The following TOP6BL variants were observed in gnomAD, a reference collection of about 807,000 sequenced individuals.
The protein encoded by TOP6BL is TOP6B like initiator of meiotic double strand breaks, also known as type 2 DNA topoisomerase 6 subunit B-like.
chr11:66,822,771 A>G, the TOP6BL span: 5 of 786,920 alleles, frequency 6.4e-6, no homozygotes, highest in Admixed American at 9.2e-5. Context: ...TGGGAGGCCA[A>G]GGTAGGAGGA....
the TOP6BL span, among the ~76,000 whole-genome samples, chr11:66,830,637 C>T: frequency 1.3e-4 from 20 of 152,202 alleles, no homozygotes; most frequent in African/African-American, 4.1e-4. Flanking sequence ...AATTGATAAA[C>T]ATTTAGCCAG....
chr11:66,772,439 C>T, the TOP6BL span, among the ~76,000 whole-genome samples: 1 of 152,158 alleles, frequency 6.6e-6, no homozygotes, highest in Non-Finnish European at 1.5e-5. Context: ...CCACTGCACT[C>T]CAGCCTCGGA....
At chr11:66,771,008 A>C in the TOP6BL span, among the ~76,000 whole-genome samples, 1 of 151,878 alleles carries the variant, frequency 6.6e-6, no homozygotes, top group Non-Finnish European at 1.5e-5. Context: ...AGAATTTCTA[A>C]CTTCTTGGGG....
At chr11:66,792,127 CTA>C in the TOP6BL span, among the ~76,000 whole-genome samples, 1 of 152,110 alleles carries the variant, frequency 6.6e-6, no homozygotes, top group African/African-American at 2.4e-5. Flanking sequence ...TCTAATAATT[CTA>C]TGAGTAGATC....
chr11:66,788,479 T>C, the TOP6BL span, among the ~76,000 whole-genome samples: 2 of 152,210 alleles, frequency 1.3e-5, no homozygotes, highest in African/African-American at 4.8e-5. Flanking sequence ...GATTGTGATT[T>C]AATTGGTCTG....
chr11:66,762,174 C>G, the TOP6BL span: 7 of 773,348 alleles, frequency 9.1e-6, no homozygotes, highest in South Asian at 1.0e-4. Flanking sequence ...TCAATCAAAG[C>G]TTTGTCTCCT....
chr11:66,750,249 C>T, the TOP6BL span, among the ~76,000 whole-genome samples: 1 of 151,950 alleles, frequency 6.6e-6, no homozygotes, highest in Non-Finnish European at 1.5e-5. Flanking sequence ...TTGTCAGTTA[C>T]ACACACATAT....
the TOP6BL span, chr11:66,843,516 C>A: frequency 1.3e-6 from 2 of 1,498,640 alleles, no homozygotes; most frequent in Middle Eastern, 4.4e-4. Context: ...GGAGCGGCCG[C>A]CCGAGTCGGC....
At chr11:66,824,011 G>A in the TOP6BL span, among the ~76,000 whole-genome samples, 3 of 152,254 alleles carry the variant, frequency 2.0e-5, no homozygotes, top group Non-Finnish European at 4.4e-5. Context: ...TATTAGTTAT[G>A]TTTAGGCCTA....
chr11:66,816,044 G>C, the TOP6BL span: 7 of 1,587,904 alleles, frequency 4.4e-6, no homozygotes, highest in South Asian at 6.9e-5. Flanking sequence ...GTAATATCTT[G>C]TCCTCTAGAT....
the TOP6BL span, among the ~76,000 whole-genome samples, chr11:66,799,319 G>A: frequency 8.6e-5 from 13 of 150,900 alleles, no homozygotes; most frequent in South Asian, 2.1e-3. Context: ...CTGGGAGGTG[G>A]AGGTTGCGGT....
chr11:66,828,266 GC>G, the TOP6BL span: 2 of 1,612,184 alleles, frequency 1.2e-6, no homozygotes, highest in Non-Finnish European at 1.7e-6. Context: ...CCCATTTTAG[GC>G]AGCTGACACA....
the TOP6BL span, among the ~76,000 whole-genome samples, chr11:66,773,109 G>A: frequency 1.1e-4 from 16 of 151,658 alleles, no homozygotes; most frequent in South Asian, 2.1e-3. Flanking sequence ...GGTCTCTGTC[G>A]CCCAGGCTGG....
the TOP6BL span, among the ~76,000 whole-genome samples, chr11:66,786,291 C>CT: frequency 2.0e-5 from 3 of 149,456 alleles, no homozygotes; most frequent in Admixed American, 6.6e-5. Flanking sequence ...GAGCAAAACT[C>CT]TGTCTTAAAA....
At chr11:66,774,316 C>G in the TOP6BL span, among the ~76,000 whole-genome samples, 107 of 152,084 alleles carry the variant, frequency 7.0e-4, no homozygotes, top group Admixed American at 3.4e-3. Context: ...TCTGGGTAAT[C>G]TAGTCTTTAT....
At chr11:66,770,116 A>G in the TOP6BL span, among the ~76,000 whole-genome samples, 1 of 152,040 alleles carries the variant, frequency 6.6e-6, no homozygotes, top group Non-Finnish European at 1.5e-5. Context: ...CCTCCCTTGT[A>G]TCCACCAAGG....
At chr11:66,815,978 T>C in the TOP6BL span, 1 of 1,404,658 alleles carries the variant, frequency 7.1e-7, no homozygotes, top group Non-Finnish European at 9.7e-7. Flanking sequence ...TTGTTCAGAA[T>C]ACAGGTTCTG....
chr11:66,776,850 G>C, the TOP6BL span, among the ~76,000 whole-genome samples: 7 of 152,082 alleles, frequency 4.6e-5, no homozygotes, highest in Non-Finnish European at 1.0e-4. Flanking sequence ...GGTAGTAGAA[G>C]ACCAGCCTGG....
At chr11:66,818,139 C>G in the TOP6BL span, among the ~76,000 whole-genome samples, 1 of 152,140 alleles carries the variant, frequency 6.6e-6, no homozygotes. Flanking sequence ...TGTGGCCCTG[C>G]TCCTACTGAG....
Sources: gnomAD v4.1 joint callset for allele counts (sites outside exome capture counted in the v4.1 genomes callset) on GRCh38, gnomAD v4.1.1 for gene constraint, MANE v1.5 for transcripts, NCBI Gene and HGNC (gene_info 2026-07-23, HGNC 2026-07-21) for gene names.